The following SRPK2 variants were observed in gnomAD, a reference collection of about 807,000 sequenced individuals.
SRPK2 encodes SRSF protein kinase 2.
SRPK2 carries 21 observed loss-of-function variants against 90.8 expected under a neutral mutation model. The observed-to-expected ratio is 0.23, with a 90% CI of 0.16 to 0.33. SRPK2 has a LOEUF of 0.33. Ranked by LOEUF, SRPK2 falls within the 10% of genes least tolerant of loss-of-function variation. The probability of loss-of-function intolerance (pLI) is 1.00; values close to 1 mark genes in which losing one functional copy is unlikely to be tolerated. For synonymous variants in SRPK2, 288 were observed against 311.1 expected, an observed-to-expected ratio of 0.93 and a Z score of 0.78; for missense variants, 620 against 869.0, an observed-to-expected ratio of 0.71 and a Z score of 3.60.
At chr7:105,133,218 T>C (rs1802281931) in intron 11 of SRPK2, 114 bp from the exon 12 acceptor site, 14 of 926,406 alleles carry the variant, frequency 1.5e-5, no homozygotes, top group South Asian at 1.4e-4. Flanking sequence ...AATGATCACT[T>C]AGGCCTGGAA....
intron 4 of SRPK2, 80 bp downstream of exon 4, chr7:105,169,077 G>A (rs928182236): frequency 1.6e-6 from 2 of 1,236,222 alleles, no homozygotes; most frequent in Non-Finnish European, 2.4e-6. Flanking sequence ...AAGCAGTGGT[G>A]ACCCTCAGCC....
chr7:105,253,231 T>A (rs182571296), intron 2 of SRPK2, among the ~76,000 whole-genome samples: 2 of 152,364 alleles, frequency 1.3e-5, no homozygotes, highest in East Asian at 3.9e-4. Flanking sequence ...TCACTCATTG[T>A]AAATGCTGCC....
chr7:105,308,648 T>C (rs1219260527), intron 2 of SRPK2, among the ~76,000 whole-genome samples: 2 of 152,234 alleles, frequency 1.3e-5, no homozygotes, highest in East Asian at 1.9e-4. Flanking sequence ...AAAGCTTTAA[T>C]GTATCACAAG....
chr7:105,196,012 C>T (rs1794873400), intron 3 of SRPK2, among the ~76,000 whole-genome samples: 1 of 152,174 alleles, frequency 6.6e-6, no homozygotes, highest in Non-Finnish European at 1.5e-5. Context: ...CAACGTTTTG[C>T]ACATCATCAA....
chr7:105,126,433 T>C, intron 14 of SRPK2, 93 bp from the exon 15 acceptor site: 3 of 937,220 alleles, frequency 3.2e-6, no homozygotes, highest in Non-Finnish European at 5.0e-6. Context: ...TAGTAAAAAA[T>C]CAGAAATAGA....
chr7:105,348,236 C>A (rs1816710484), intron 2 of SRPK2, among the ~76,000 whole-genome samples: 1 of 151,246 alleles, frequency 6.6e-6, no homozygotes, highest in Admixed American at 6.6e-5. Flanking sequence ...CACGCCCGGC[C>A]AATTCTGTAT....
At chr7:105,156,719 G>A (rs1806552897) in intron 7 of SRPK2, among the ~76,000 whole-genome samples, 1 of 152,092 alleles carries the variant, frequency 6.6e-6, no homozygotes, top group Non-Finnish European at 1.5e-5. Context: ...GCCCAGGTTG[G>A]TCTTGAACTC....
intron 2 of SRPK2, among the ~76,000 whole-genome samples, chr7:105,366,904 T>G (rs1212977413): frequency 6.6e-6 from 1 of 152,168 alleles, no homozygotes; most frequent in African/African-American, 2.4e-5. Flanking sequence ...ATCAAGCAAT[T>G]TGACTTTTTC....
intron 2 of SRPK2, among the ~76,000 whole-genome samples, chr7:105,376,189 G>C (rs890601883): frequency 6.6e-6 from 1 of 151,566 alleles, no homozygotes; most frequent in South Asian, 2.1e-4. Flanking sequence ...AGTAGAGACA[G>C]GGTTTCACCA....
chr7:105,378,433 C>T (rs1290891233), intron 2 of SRPK2, among the ~76,000 whole-genome samples: 1 of 151,992 alleles, frequency 6.6e-6, no homozygotes, highest in Non-Finnish European at 1.5e-5. Flanking sequence ...TAAAAAGGCG[C>T]TTCACAAAAC....
At chr7:105,337,439 C>T (rs778261306) in intron 2 of SRPK2, among the ~76,000 whole-genome samples, 27 of 151,882 alleles carry the variant, frequency 1.8e-4, no homozygotes, top group Non-Finnish European at 3.1e-4. Context: ...CTCAGCTTCC[C>T]GAGTAGCCAG....
chr7:105,261,200 TAACA>T (rs1804225097), intron 2 of SRPK2, among the ~76,000 whole-genome samples: 1 of 152,166 alleles, frequency 6.6e-6, no homozygotes, highest in South Asian at 2.1e-4. Context: ...AAAATAAATG[TAACA>T]ATAAGCTGTG....
At chr7:105,302,039 G>C in intron 2 of SRPK2, 1 of 1,567,984 alleles carries the variant, frequency 6.4e-7, no homozygotes, top group South Asian at 1.1e-5. Context: ...GAACTGGGTT[G>C]ATGTTGTGAA....
intron 2 of SRPK2, among the ~76,000 whole-genome samples, chr7:105,349,387 T>C (rs889591296): frequency 6.6e-6 from 1 of 151,384 alleles, no homozygotes; most frequent in African/African-American, 2.4e-5. Flanking sequence ...CTGGGCATGG[T>C]GGCGCATGCC....
intron 2 of SRPK2, among the ~76,000 whole-genome samples, chr7:105,254,942 G>A (rs970438319): frequency 6.6e-6 from 1 of 151,436 alleles, no homozygotes. Context: ...CACCCGCCTC[G>A]GCCTCCCAAA....
chr7:105,386,565 A>G (rs749184038), intron 2 of SRPK2, among the ~76,000 whole-genome samples: 17 of 151,254 alleles, frequency 1.1e-4, no homozygotes, highest in Non-Finnish European at 1.9e-4. Context: ...AAATACAAAA[A>G]AAATAGCTAG....
rs1342767849 is a variant in SRPK2 at position 105,150,038 on chromosome 7, G to A, written c.622-3380C>T. ...AGGACAGGAAATGAGTATGACGGGT[G>A]GGGTAATTGGCCAAAAAAAAAACCA... On this transcript the variant is annotated intron_variant, in intron 7 of 15. Transcript: ENST00000393651. Among the ~76,000 whole-genome samples the A allele has an allele frequency of 4.6e-5, 7 of 151,876 alleles. No homozygotes were observed. The East Asian group carries it at 1.3e-3, about 29-fold the overall frequency.
upstream of SRPK2, among the ~76,000 whole-genome samples, chr7:105,394,355 C>G (rs1448482992): frequency 2.0e-5 from 3 of 152,010 alleles, no homozygotes; most frequent in Non-Finnish European, 4.4e-5. Flanking sequence ...ATTGGCCAGG[C>G]TGGTCTCAAA....
At chr7:105,173,118 AT>A (rs60558265) in intron 3 of SRPK2, among the ~76,000 whole-genome samples, 70 of 149,392 alleles carry the variant, frequency 4.7e-4, no homozygotes, top group South Asian at 3.6e-3. Flanking sequence ...CAAGAGGGGC[AT>A]TTTTTTTTTA....
Sources: allele counts gnomAD v4.1 joint callset (sites outside exome capture counted in the v4.1 genomes callset), GRCh38; gene constraint gnomAD v4.1.1; transcripts MANE v1.5; gene names NCBI Gene and HGNC (gene_info 2026-07-23, HGNC 2026-07-21).